The following CACNA1H variants were observed in gnomAD, a reference collection of about 807,000 sequenced individuals.
CACNA1H encodes voltage-dependent T-type calcium channel subunit alpha-1H.
In CACNA1H, 149 loss-of-function variants were observed where a neutral mutation model predicts 192.5. That is an observed-to-expected ratio of 0.77 (90% CI 0.68 to 0.89). The LOEUF is 0.89. CACNA1H is among the 40% of genes least tolerant of loss of function. The pLI is 0.00. For missense variants in CACNA1H, 4,257 were observed against 3,423.5 expected (o/e 1.24, Z -6.08); for synonymous variants, 2,202 against 1,475.2 (o/e 1.49, Z -11.29).
In CACNA1H at chr16:1,180,085, C is replaced by T. The variant is rs759193651; in HGVS notation, c.300-14887C>T. ...GGTTGCCGGGTGATACTGAGGGGGC[C>T]GGGCTCTGCAGGCACAGGGCTGAGG... On this transcript the variant is annotated intron_variant, in intron 2 of 34. Coordinates refer to ENST00000348261, the MANE Select transcript of CACNA1H (RefSeq NM_021098.3). The surrounding 1 kb of genome is among the most constrained non-coding windows in gnomAD (Gnocchi z 4.4). 6.6e-6 allele frequency among the ~76,000 whole-genome samples: 1 copy of T among 152,164 alleles called. No homozygotes were observed. Among genetic ancestry groups the T allele is most frequent in the Non-Finnish European group, 1.5e-5 (1 of 68,032 alleles).
In CACNA1H at chr16:1,195,971, T is replaced by A. The variant is rs768691180; in HGVS notation, c.591T>A (p.Ala197=). ...SLDGHNVSLS[A]IRTVRVLRPL... ...ACGGACACAACGTGAGCCTCTCGGC[T>A]ATCAGGACCGTGCGGGTGCTGCGGC... Residue 197 remains alanine (A), a synonymous_variant, in exon 5 of 35, where the codon GCT becomes GCA. Coordinates refer to ENST00000348261, the MANE Select transcript of CACNA1H (RefSeq NM_021098.3). 4 of 1,613,086 alleles carry A rather than the reference T, an allele frequency of 2.5e-6. No homozygotes were observed. The highest frequency in any genetic ancestry group is 3.4e-6 in the Non-Finnish European group (4 of 1,179,840).
chr16:1,185,506 C>CCCCA (rs1555506219), intron 2 of CACNA1H, among the ~76,000 whole-genome samples: 6 of 146,430 alleles, frequency 4.1e-5, no homozygotes, highest in African/African-American at 1.5e-4. Flanking sequence ...CAGAGTCCCC[C>CCCCA]CCCCCGCCGA....
At chr16:1,158,874 C>G (rs1265495279) in intron 2 of CACNA1H, among the ~76,000 whole-genome samples, 2 of 149,640 alleles carry the variant, frequency 1.3e-5, no homozygotes, top group African/African-American at 5.1e-5. Context: ...ACCCCTGGCC[C>G]CGCAGGGCCC....
chr16:1,181,159 C>T (rs887113543), intron 2 of CACNA1H, among the ~76,000 whole-genome samples: 8 of 152,250 alleles, frequency 5.3e-5, no homozygotes, highest in Non-Finnish European at 1.0e-4. Flanking sequence ...TCCCCAAGGT[C>T]CCCTCCTGGC....
intron 2 of CACNA1H, among the ~76,000 whole-genome samples, chr16:1,173,877 C>T (rs1964608155): frequency 6.7e-6 from 1 of 149,876 alleles, no homozygotes; most frequent in South Asian, 2.1e-4. Context: ...CCTCACGTCA[C>T]GTGGGGCTGT....
intron 2 of CACNA1H, among the ~76,000 whole-genome samples, chr16:1,178,573 C>CCA (rs2151745003): frequency 6.6e-6 from 1 of 152,260 alleles, no homozygotes; most frequent in African/African-American, 2.4e-5. Flanking sequence ...CCGGCCCTGC[C>CCA]CACAGCATGG....
In CACNA1H at chr16:1,210,110, C is replaced by T. The variant is rs751185957; in HGVS notation, c.3820C>T (p.Leu1274Phe). Residue 1274 changes from leucine to phenylalanine, a missense_variant, in exon 18 of 35, where the codon CTC (leucine) becomes TTC (phenylalanine). By Grantham distance (22) the Leu-to-Phe change is conservative (BLOSUM62 0). Transcript: ENST00000348261. ...GTGCCGGAGCCGCGAGGCCTGGGCC[C>T]TCTACCTCTTCTCCCCACAGAACCG... is the stretch of plus-strand genomic sequence containing the variant. The part of the protein sequence containing the change: ...QWCRSREAWA[L>F]YLFSPQNRFR... 2.6e-6 allele frequency: 4 copies of T among 1,559,716 alleles called. No individual in the cohort carries two copies. Among genetic ancestry groups the T allele is most frequent in the Non-Finnish European group, 2.6e-6 (3 of 1,152,534 alleles).
intron 6 of CACNA1H, among the ~76,000 whole-genome samples, chr16:1,200,008 T>C (rs369055275): frequency 1.3e-5 from 2 of 151,986 alleles, no homozygotes; most frequent in South Asian, 2.1e-4. Context: ...CTGAGGAGAG[T>C]GTGGTTTCTG....
At chr16:1,195,202 C>A in intron 3 of CACNA1H, 119 bp downstream of exon 3, 1 of 353,748 alleles carries the variant, frequency 2.8e-6, no homozygotes, top group South Asian at 3.4e-5. Flanking sequence ...GGGTCAGGGT[C>A]GGGGATCAGG....
chr16:1,219,972 C>T lies in CACNA1H; in HGVS notation c.6049-9C>T, dbSNP rs770614313. 38 of 1,296,812 alleles carry T rather than the reference C, an allele frequency of 2.9e-5. No homozygotes were observed. Among genetic ancestry groups the T allele is most frequent in the Non-Finnish European group, 3.7e-5 (38 of 1,017,238 alleles). The allele number at this position is 1,296,812 out of a possible 1,614,324, so 80.3% of individuals were successfully genotyped here. A position where few individuals can be genotyped will look rare whatever the true frequency, so the allele number is the denominator to read the frequency against. Reference sequence around the variant, plus strand: ...CCCCGCCCCTCACTTTGACTCTACGCCCCCACAGGAGGCTGTGCACACCGA... The same window carrying T: ...CCCCGCCCCTCACTTTGACTCTACGTCCCCACAGGAGGCTGTGCACACCGA... On this transcript the variant is annotated splice_polypyrimidine_tract_variant and intron_variant, in intron 34 of 34. Transcript: ENST00000348261.
chr16:1,210,630 C>T lies in CACNA1H; in HGVS notation c.4017C>T (p.Phe1339=), dbSNP rs766859067. 1.3e-5 allele frequency: 21 copies of T among 1,605,762 alleles called. No homozygotes were observed. Among genetic ancestry groups the T allele is most frequent in the Middle Eastern group, 1.6e-4 (1 of 6,084 alleles). The change falls in exon 20 of 35, where the codon TTC becomes TTT. Residue 1339 remains phenylalanine (F), a synonymous_variant. Transcript: ENST00000348261. ...SVSNYIFTAI[F]VAEMMVKVVA... ...CCAATTACATCTTCACGGCCATCTT[C>T]GTGGCGGAGATGATGGTGAAGGTAC...
intron 2 of CACNA1H, among the ~76,000 whole-genome samples, chr16:1,171,948 G>A (rs527590035): frequency 2.2e-4 from 33 of 152,368 alleles, no homozygotes; most frequent in African/African-American, 3.1e-4. Context: ...CCAGGCGGGC[G>A]CCAGGACGGA....
intron 2 of CACNA1H, among the ~76,000 whole-genome samples, chr16:1,156,699 C>T (rs1263291927): frequency 1.3e-5 from 2 of 152,126 alleles, no homozygotes; most frequent in Non-Finnish European, 1.5e-5. Flanking sequence ...AACCCACACT[C>T]AGTAAAGTGA....
chr16:1,160,455 A>C (rs1215758145), intron 2 of CACNA1H, among the ~76,000 whole-genome samples: 1 of 152,140 alleles, frequency 6.6e-6, no homozygotes, highest in East Asian at 1.9e-4. Flanking sequence ...GGCTCGGGGA[A>C]GGAGCTCTGC....
intron 2 of CACNA1H, among the ~76,000 whole-genome samples, chr16:1,166,347 C>T (rs556979666): frequency 2.0e-5 from 3 of 152,312 alleles, no homozygotes; most frequent in South Asian, 2.1e-4. Flanking sequence ...GGCCAAGTAA[C>T]GGTGCCCTGA....
rs1169749350 is a variant in CACNA1H at position 1,185,729 on chromosome 16, GGTGT to G, written c.300-9240_300-9237del. Among the ~76,000 whole-genome samples, 6 of 4,436 alleles carry G rather than the reference GGTGT, an allele frequency of 1.4e-3. 1 individual carries two copies. Among genetic ancestry groups the G allele is most frequent in the South Asian group, 0.017 (2 of 120 alleles). 2.9% of individuals were successfully genotyped at this position (4,436 alleles called of 152,430 possible). ...CGGCGTGCGTAGGGGCCGGAGGCGGGGTGTGTACGTGGGCAGGTGAGTAGACGGT... is the reference window on the plus strand; with the variant it reads ...CGGCGTGCGTAGGGGCCGGAGGCGGGGTACGTGGGCAGGTGAGTAGACGGT... On this transcript the variant is annotated intron_variant, in intron 2 of 34. Coordinates refer to ENST00000348261, the MANE Select transcript of CACNA1H (RefSeq NM_021098.3).
intron 9 of CACNA1H, among the ~76,000 whole-genome samples, chr16:1,203,742 C>T (rs1369540827): frequency 2.0e-5 from 3 of 152,204 alleles, no homozygotes; most frequent in Admixed American, 6.5e-5. Flanking sequence ...TCTCTGTCTT[C>T]ACATGGCTCT....
chr16:1,203,916 A>C lies in CACNA1H; in HGVS notation c.2003-94A>C, dbSNP rs909615984. The C allele has an allele frequency of 1.6e-5, 14 of 869,884 alleles. No homozygotes were observed. In the South Asian group the frequency reaches 2.5e-4, roughly 16 times the overall value. 53.9% of individuals were successfully genotyped at this position (869,884 alleles called of 1,614,324 possible). On this transcript the variant is annotated intron_variant, in intron 9 of 34. Coordinates refer to ENST00000348261, the MANE Select transcript of CACNA1H (RefSeq NM_021098.3). Reference sequence around the variant, plus strand: ...CTGGATGGATCTTTCTGGGGGGGACACATTCACCCCACCGCTCCTGTGTGT... The same window carrying C: ...CTGGATGGATCTTTCTGGGGGGGACCCATTCACCCCACCGCTCCTGTGTGT...
intron 2 of CACNA1H, among the ~76,000 whole-genome samples, chr16:1,155,077 C>T (rs954134396): frequency 1.3e-5 from 2 of 152,224 alleles, no homozygotes; most frequent in Non-Finnish European, 2.9e-5. Context: ...GTACACTTCC[C>T]TACCTTGTGT....
Sources: gnomAD v4.1 joint callset for allele counts (sites outside exome capture counted in the v4.1 genomes callset) on GRCh38, gnomAD v4.1.1 for gene constraint, Gnocchi (gnomAD v3.1) non-coding constraint, MANE v1.5 for transcripts, NCBI Gene and HGNC (gene_info 2026-07-23, HGNC 2026-07-21) for gene names.